Variants in ZNF516 observed in about 807,000 individuals in gnomAD.
ZNF516 encodes the protein zinc finger protein 516.
Under a neutral mutation model 79.7 loss-of-function variants are expected in ZNF516, and 19 were observed. The ratio of observed to expected loss-of-function variants is 0.24; its 90% CI spans 0.17 to 0.35. The LOEUF is 0.35. Among genes scored for constraint, ZNF516 ranks in the 10% least tolerant of loss-of-function variants. The pLI, the probability that ZNF516 is intolerant of heterozygous loss-of-function variation, is 1.00. For synonymous variants in ZNF516, 877 were observed against 739.5 expected, an observed-to-expected ratio of 1.19 and a Z score of -3.02; for missense variants, 1,678 against 1,679.5, an observed-to-expected ratio of 1.00 and a Z score of 0.02.
rs1464083584 is a variant in ZNF516, at chr18:76,360,304, A to T, written c.*2194T>A. ...TTGGGTACAGAATTTCTTTTTAATA[A>T]CTAAAACACAGAGAAACAGGACTGG... On this transcript the variant is annotated 3_prime_UTR_variant, in exon 7 of 7. Transcript: ENST00000443185. 6.6e-6 allele frequency: 1 copy of T among 152,214 alleles called. No individual in the cohort carries two copies. The highest frequency in any genetic ancestry group is 6.5e-5 in the Admixed American group (1 of 15,270). 9.4% of individuals were successfully genotyped at this position (152,214 alleles called of 1,614,324 possible). A position where few individuals can be genotyped will look rare whatever the true frequency, so the allele number is the denominator to read the frequency against.
At chr18:76,460,825 C>T (rs1018138793) in intron 2 of ZNF516, among the ~76,000 whole-genome samples, 1 of 152,204 alleles carries the variant, frequency 6.6e-6, no homozygotes, top group African/African-American at 2.4e-5. Flanking sequence ...ATGATCGCCT[C>T]GCTTGTTCAT....
intron 1 of ZNF516, among the ~76,000 whole-genome samples, chr18:76,494,106 C>G (rs564594469): frequency 6.4e-4 from 98 of 152,282 alleles, no homozygotes; most frequent in African/African-American, 2.2e-3. Context: ...CCTCTGGTCC[C>G]TAATTGCGGG....
At chr18:76,480,516 C>T (rs1172049111) in intron 1 of ZNF516, among the ~76,000 whole-genome samples, 1 of 76,446 alleles carries the variant, frequency 1.3e-5, no homozygotes, top group Non-Finnish European at 2.4e-5. Context: ...CACACACACA[C>T]ACACACACAT....
intron 3 of ZNF516, among the ~76,000 whole-genome samples, chr18:76,407,433 A>G (rs1555703409): frequency 3.3e-5 from 5 of 152,048 alleles, no homozygotes; most frequent in Admixed American, 6.5e-5. Context: ...AACAAAGAAG[A>G]GGGGGGGAGT....
chr18:76,440,324 C>A (rs2075798193), intron 3 of ZNF516, among the ~76,000 whole-genome samples: 1 of 152,238 alleles, frequency 6.6e-6, no homozygotes, highest in South Asian at 2.1e-4. Context: ...TTCTTCACCA[C>A]AGAATATAAA....
At position 76,451,551 on chromosome 18, in the gene ZNF516, G is replaced by C. The variant is rs1375929997; in HGVS notation, c.-157-8340C>G. 1.3e-5 allele frequency among the ~76,000 whole-genome samples: 2 copies of C among 152,210 alleles called. No individual in the cohort carries two copies. Among genetic ancestry groups the C allele is most frequent in the Non-Finnish European group, 2.9e-5 (2 of 68,030 alleles). ...AAAAGGCAAATCATAAAATCTAAAAGAGCAACTACGCTGGTGCGTTTCTGA... is the reference window on the plus strand; with the variant it reads ...AAAAGGCAAATCATAAAATCTAAAACAGCAACTACGCTGGTGCGTTTCTGA... On this transcript the variant is annotated intron_variant, in intron 2 of 6. Coordinates refer to ENST00000443185, the MANE Select transcript of ZNF516 (RefSeq NM_014643.4). The surrounding 1 kb of genome is among the most constrained non-coding windows in gnomAD (Gnocchi z 6.0).
chr18:76,404,412 GGTGA>G lies in ZNF516; in HGVS notation c.1811-24113_1811-24110del, dbSNP rs748872549. 2.0e-4 allele frequency among the ~76,000 whole-genome samples: 30 copies of G among 152,318 alleles called. No homozygotes were observed. The South Asian group carries it at 2.9e-3, about 15-fold the overall frequency. ...TTTAGAGTATCTGTGTGAGTGTGGGGGTGAGTGAGCATGTGTGCACGTGTAAGAG... is the reference window on the plus strand; with the variant it reads ...TTTAGAGTATCTGTGTGAGTGTGGGGGTGAGCATGTGTGCACGTGTAAGAG... On this transcript the variant is annotated intron_variant, in intron 3 of 6. Transcript: ENST00000443185.
chr18:76,412,917 C>A (rs762031055), intron 3 of ZNF516, among the ~76,000 whole-genome samples: 2 of 152,196 alleles, frequency 1.3e-5, no homozygotes, highest in Non-Finnish European at 2.9e-5. Context: ...ACCTCTGAGT[C>A]CCGCCATAAC....
chr18:76,423,561 G>T (rs1467794550), intron 3 of ZNF516, among the ~76,000 whole-genome samples: 5 of 145,646 alleles, frequency 3.4e-5, no homozygotes, highest in Non-Finnish European at 4.5e-5. Flanking sequence ...ACACGCAGGT[G>T]AAAAGGCTCC....
chr18:76,450,042 T>C (rs910926494), intron 2 of ZNF516, among the ~76,000 whole-genome samples: 1 of 152,212 alleles, frequency 6.6e-6, no homozygotes, highest in African/African-American at 2.4e-5. Flanking sequence ...TACTGTTACT[T>C]GTGTTAAGCT....
chr18:76,381,178 G>A (rs2074887121), intron 3 of ZNF516, among the ~76,000 whole-genome samples: 1 of 152,176 alleles, frequency 6.6e-6, no homozygotes, highest in South Asian at 2.1e-4. Flanking sequence ...GCCGAGGTGT[G>A]GGCTGTGCTC....
chr18:76,398,738 T>C (rs116199265), intron 3 of ZNF516, among the ~76,000 whole-genome samples: 2,634 of 152,234 alleles, frequency 0.017, 76 homozygotes, highest in African/African-American at 0.059. Context: ...AGGGAGTAAG[T>C]CTCAGGAAGA....
chr18:76,414,908 G>C (rs557077414), intron 3 of ZNF516, among the ~76,000 whole-genome samples: 1 of 152,336 alleles, frequency 6.6e-6, no homozygotes, highest in African/African-American at 2.4e-5. Flanking sequence ...CAAAAAAATA[G>C]TAGTTTACAC....
chr18:76,365,668 A>G (rs2074601738), intron 6 of ZNF516, among the ~76,000 whole-genome samples: 1 of 152,212 alleles, frequency 6.6e-6, no homozygotes. Context: ...GCGGTCCTTG[A>G]TATTGGAACC....
In ZNF516 at chr18:76,459,105, T is replaced by C. The variant is rs1011348615; in HGVS notation, c.-158+3923A>G. Among the ~76,000 whole-genome samples, 2 of 152,206 alleles carry C rather than the reference T, an allele frequency of 1.3e-5. No individual in the cohort carries two copies. The highest frequency in any genetic ancestry group is 2.9e-5 in the Non-Finnish European group (2 of 68,032). ...AAACACGCATGTCCACTTCCAACAA[T>C]CTACCAGCAACACTCGTGCCCATGT... On this transcript the variant is annotated intron_variant, in intron 2 of 6. Transcript: ENST00000443185. This position sits in a 1 kb window ranked among gnomAD's most constrained non-coding sequence, Gnocchi z 5.0.
chr18:76,492,838 T>C, intron 1 of ZNF516: 1 of 985,984 alleles, frequency 1.0e-6, no homozygotes, highest in Non-Finnish European at 1.2e-6. Flanking sequence ...TGGGGGCTGC[T>C]GCGTGCCCAT....
chr18:76,464,728 T>C (rs533063856), intron 1 of ZNF516, among the ~76,000 whole-genome samples: 2 of 148,454 alleles, frequency 1.3e-5, no homozygotes, highest in African/African-American at 2.5e-5. Context: ...CCATTTCAGA[T>C]GGGGACAGTG....
At chr18:76,384,590 C>T (rs2074953324) in intron 3 of ZNF516, among the ~76,000 whole-genome samples, 1 of 148,350 alleles carries the variant, frequency 6.7e-6, no homozygotes, top group African/African-American at 2.5e-5. Context: ...ACTCCCTCTC[C>T]ACAGCTCCCA....
At chr18:76,382,573 G>T (rs893816075) in intron 3 of ZNF516, among the ~76,000 whole-genome samples, 2 of 152,084 alleles carry the variant, frequency 1.3e-5, no homozygotes, top group Non-Finnish European at 2.9e-5. Flanking sequence ...ACATCACCTA[G>T]AACTTCCAGT....
Sources: allele counts gnomAD v4.1 joint callset (sites outside exome capture counted in the v4.1 genomes callset), GRCh38; gene constraint gnomAD v4.1.1; non-coding constraint Gnocchi (gnomAD v3.1); transcripts MANE v1.5; gene names NCBI Gene and HGNC (gene_info 2026-07-23, HGNC 2026-07-21).